The following ARHGAP24 variants were observed in gnomAD, a reference collection of about 807,000 sequenced individuals.
ARHGAP24 encodes the protein rho GTPase-activating protein 24.
A neutral mutation model predicts 76.4 loss-of-function variants in ARHGAP24; 50 were observed. The ratio of observed to expected loss-of-function variants is 0.65; its 90% CI spans 0.52 to 0.83. The LOEUF (loss-of-function observed/expected upper bound fraction) is 0.83. ARHGAP24 is among the 40% of genes least tolerant of loss of function. The probability of loss-of-function intolerance (pLI) is 0.00; values close to 1 mark genes in which losing one functional copy is unlikely to be tolerated. For synonymous variants in ARHGAP24, 345 were observed against 323.3 expected (o/e 1.07, Z -0.72); for missense variants, 930 against 914.2 (o/e 1.02, Z -0.22).
chr4:85,762,693 G>A (rs554790705), intron 3 of ARHGAP24, among the ~76,000 whole-genome samples: 14 of 152,210 alleles, frequency 9.2e-5, no homozygotes, highest in Non-Finnish European at 1.8e-4. Flanking sequence ...TTCCAGGTCC[G>A]TCTGACTCCA....
Position 85,721,837 on chromosome 4 carries a change from A to G in ARHGAP24, c.181-48A>G, listed in dbSNP as rs1332739176. 4 of 1,466,218 alleles carry G rather than the reference A, an allele frequency of 2.7e-6. No homozygotes were observed. The Admixed American group carries it at 5.0e-5, about 18-fold the overall frequency. The allele number at this position is 1,466,218 out of a possible 1,614,324, so 90.8% of individuals were successfully genotyped here. A position where few individuals can be genotyped will look rare whatever the true frequency, so the allele number is the denominator to read the frequency against. On this transcript the variant is annotated intron_variant, in intron 2 of 9. Transcript: ENST00000395184. ...TCACTGATTATAATGATGATATATG[A>G]TGTTTGCTCTCTGATGATGTTGATG...
intron 3 of ARHGAP24, among the ~76,000 whole-genome samples, chr4:85,828,605 GC>G: frequency 6.6e-6 from 1 of 151,734 alleles, no homozygotes; most frequent in East Asian, 1.9e-4. Flanking sequence ...AACCTATAAA[GC>G]TTTTGTTATC....
chr4:85,588,065 AG>A (rs1436687523), intron 2 of ARHGAP24, among the ~76,000 whole-genome samples: 3 of 152,210 alleles, frequency 2.0e-5, no homozygotes, highest in Non-Finnish European at 4.4e-5. Context: ...TGCTGGGCTG[AG>A]GGGATAACAT....
chr4:85,848,847 T>C lies in ARHGAP24; in HGVS notation c.269-74801T>C, dbSNP rs895839457. On this transcript the variant is annotated intron_variant, in intron 3 of 9. Transcript: ENST00000395184. Reference sequence around the variant, plus strand: ...CAGTACCATGCTGTTTTGGTTACTGTAGCCTTGTAGTATAGTTTGAAGTCA... The same window carrying C: ...CAGTACCATGCTGTTTTGGTTACTGCAGCCTTGTAGTATAGTTTGAAGTCA... Among the ~76,000 whole-genome samples the C allele has an allele frequency of 3.9e-5, 6 of 152,340 alleles. No homozygotes were observed. The South Asian group carries it at 1.2e-3, about 32-fold the overall frequency.
intron 1 of ARHGAP24, among the ~76,000 whole-genome samples, chr4:85,507,541 C>G (rs1724112354): frequency 6.6e-6 from 1 of 152,120 alleles, no homozygotes; most frequent in Non-Finnish European, 1.5e-5. Flanking sequence ...CTGACATTCC[C>G]ATCAGCAGAA....
chr4:85,477,362 A>G (rs1722640107), intron 1 of ARHGAP24, among the ~76,000 whole-genome samples: 3 of 152,180 alleles, frequency 2.0e-5, no homozygotes, highest in Admixed American at 6.5e-5. Context: ...AATCTGAACT[A>G]TTTTGAAAAT....
intron 2 of ARHGAP24, among the ~76,000 whole-genome samples, chr4:85,694,710 T>C (rs1455423496): frequency 6.6e-6 from 1 of 152,264 alleles, no homozygotes; most frequent in East Asian, 1.9e-4. Context: ...TATATACATG[T>C]ATACATATAT....
chr4:85,679,806 C>G (rs1458070014), intron 2 of ARHGAP24, among the ~76,000 whole-genome samples: 2 of 152,160 alleles, frequency 1.3e-5, no homozygotes, highest in Admixed American at 1.3e-4. Flanking sequence ...CTGAGAGTCT[C>G]AATAGTGTCT....
intron 5 of ARHGAP24, among the ~76,000 whole-genome samples, chr4:85,962,154 G>C (rs1440833246): frequency 1.3e-5 from 2 of 152,072 alleles, no homozygotes; most frequent in Non-Finnish European, 2.9e-5. Flanking sequence ...AGAAAGGGCT[G>C]TGTGATGAAG....
At chr4:85,552,925 T>C (rs866591719) in intron 1 of ARHGAP24, among the ~76,000 whole-genome samples, 1 of 152,200 alleles carries the variant, frequency 6.6e-6, no homozygotes, top group African/African-American at 2.4e-5. Flanking sequence ...TTCTGGTGCA[T>C]TCTTGGTCTC....
intron 2 of ARHGAP24, among the ~76,000 whole-genome samples, chr4:85,669,458 G>A (rs764364886): frequency 4.6e-5 from 7 of 151,708 alleles, no homozygotes; most frequent in Non-Finnish European, 1.0e-4. Flanking sequence ...TGGAAGAAAA[G>A]TACAGAAATA....
chr4:85,669,820 G>A (rs574141774), intron 2 of ARHGAP24, among the ~76,000 whole-genome samples: 1 of 151,546 alleles, frequency 6.6e-6, no homozygotes, highest in South Asian at 2.1e-4. Context: ...GAATAATTTA[G>A]TGAATCTACT....
intron 2 of ARHGAP24, among the ~76,000 whole-genome samples, chr4:85,571,860 A>G (rs1030870670): frequency 6.6e-6 from 1 of 152,242 alleles, no homozygotes; most frequent in Non-Finnish European, 1.5e-5. Flanking sequence ...TGTGTAATGC[A>G]GATTACCCAA....
intron 2 of ARHGAP24, among the ~76,000 whole-genome samples, chr4:85,581,828 T>TAC (rs1439418716): frequency 1.4e-4 from 22 of 152,146 alleles, no homozygotes; most frequent in Non-Finnish European, 3.1e-4. Context: ...TTTATACATA[T>TAC]ATAAAATACA....
intron 3 of ARHGAP24, among the ~76,000 whole-genome samples, chr4:85,863,014 C>T (rs937306005): frequency 7.9e-5 from 12 of 152,176 alleles, no homozygotes; most frequent in Admixed American, 4.6e-4. Context: ...AAATCAGATC[C>T]GGTTCCTCCC....
intron 3 of ARHGAP24, among the ~76,000 whole-genome samples, chr4:85,821,336 T>C (rs1729462119): frequency 6.6e-6 from 1 of 152,222 alleles, no homozygotes; most frequent in African/African-American, 2.4e-5. Context: ...AGTTGTCTTC[T>C]TAATGATAAC....
intron 2 of ARHGAP24, among the ~76,000 whole-genome samples, chr4:85,687,056 A>G (rs962711843): frequency 1.4e-4 from 21 of 152,070 alleles, no homozygotes; most frequent in African/African-American, 5.1e-4. Context: ...TTCAAGAAAA[A>G]TTGCTAATTA....
At chr4:85,561,288 GC>G (rs1220830222) in intron 1 of ARHGAP24, among the ~76,000 whole-genome samples, 2 of 152,290 alleles carry the variant, frequency 1.3e-5, no homozygotes, top group African/African-American at 4.8e-5. Context: ...AAAGTCCTAA[GC>G]CCTTCCAGCT....
At chr4:85,643,234 G>GGTTTTTT (rs1721592118) in intron 2 of ARHGAP24, among the ~76,000 whole-genome samples, 1 of 54,610 alleles carries the variant, frequency 1.8e-5, no homozygotes, top group African/African-American at 5.9e-5. Context: ...GTTTTTTTGT[G>GGTTTTTT]TTTTTTTTTT....
Sources: allele counts gnomAD v4.1 joint callset (sites outside exome capture counted in the v4.1 genomes callset), GRCh38; gene constraint gnomAD v4.1.1; transcripts MANE v1.5; gene names NCBI Gene and HGNC (gene_info 2026-07-23, HGNC 2026-07-21).